The following NEK11 variants were observed in gnomAD, a reference collection of about 807,000 sequenced individuals.
NEK11 encodes the protein NIMA related kinase 11.
NEK11 carries 72 observed loss-of-function variants against 80.7 expected under a neutral mutation model. The ratio of observed to expected loss-of-function variants is 0.89; its 90% CI spans 0.74 to 1.08. NEK11 has a LOEUF of 1.08. Ranked by LOEUF, NEK11 falls within the 50% of genes least tolerant of loss-of-function variation. NEK11 has a pLI of 0.00. For missense variants in NEK11, 764 were observed against 763.6 expected, an observed-to-expected ratio of 1.00 and a Z score of -0.01; for synonymous variants, 251 against 260.7, an observed-to-expected ratio of 0.96 and a Z score of 0.36.
intron 14 of NEK11, among the ~76,000 whole-genome samples, chr3:131,175,673 A>G (rs1482753924): frequency 1.3e-5 from 2 of 152,138 alleles, no homozygotes; most frequent in Non-Finnish European, 2.9e-5. Context: ...TGCTATCTTG[A>G]TTGTGGTGAT....
chr3:131,130,299 A>G (rs1455761436), intron 5 of NEK11, among the ~76,000 whole-genome samples: 3 of 152,186 alleles, frequency 2.0e-5, no homozygotes, highest in African/African-American at 7.2e-5. Context: ...GCAACATTGC[A>G]GAATTAATTA....
At chr3:131,342,809 G>T (rs2097306251) in intron 17 of NEK11, among the ~76,000 whole-genome samples, 1 of 152,018 alleles carries the variant, frequency 6.6e-6, no homozygotes, top group Admixed American at 6.6e-5. Flanking sequence ...CGAAGACATA[G>T]AAAATTTAAG....
At chr3:131,342,734 T>G (rs746678656) in intron 17 of NEK11, among the ~76,000 whole-genome samples, 4 of 145,876 alleles carry the variant, frequency 2.7e-5, no homozygotes, top group Non-Finnish European at 5.9e-5. Flanking sequence ...TGATAAGAGG[T>G]GTGTGTGTGT....
At position 131,186,409 on chromosome 3, in the gene NEK11, T is replaced by C. The variant is rs112339379; in HGVS notation, c.1399+15522T>C. Among the ~76,000 whole-genome samples, 415 of 152,238 alleles carry C rather than the reference T, an allele frequency of 2.7e-3. 1 individual carries two copies. Among genetic ancestry groups the C allele is most frequent in the African/African-American group, 9.4e-3 (390 of 41,560 alleles). On this transcript the variant is annotated intron_variant, in intron 14 of 17. Transcript: ENST00000383366. ...TCAGGTCTGTAGACAGCCCCCAGAA[T>C]TAGAGCCAAGGCCCTACAAATGTGT...
chr3:131,331,976 TGGAGCC>T (rs1322098959), intron 17 of NEK11, among the ~76,000 whole-genome samples: 6 of 152,156 alleles, frequency 3.9e-5, no homozygotes, highest in Non-Finnish European at 7.3e-5. Flanking sequence ...TTGAGCTGGG[TGGAGCC>T]CACCACAGCT....
intron 3 of NEK11, among the ~76,000 whole-genome samples, chr3:131,040,300 A>G (rs1417706463): frequency 2.8e-5 from 3 of 107,512 alleles, no homozygotes; most frequent in East Asian, 2.7e-4. Context: ...TAGTTATATG[A>G]AAAAAAAAAC....
intron 15 of NEK11, among the ~76,000 whole-genome samples, chr3:131,237,079 C>T (rs1039521050): frequency 2.0e-5 from 3 of 152,150 alleles, no homozygotes; most frequent in African/African-American, 4.8e-5. Flanking sequence ...TTGGCTCATT[C>T]CTGTAATCCT....
intron 7 of NEK11, among the ~76,000 whole-genome samples, chr3:131,136,852 C>T (rs2085685662): frequency 6.6e-6 from 1 of 152,114 alleles, no homozygotes; most frequent in African/African-American, 2.4e-5. Context: ...CCTAGGCCAG[C>T]TCATTAAATT....
intron 17 of NEK11, among the ~76,000 whole-genome samples, chr3:131,334,004 C>T (rs937704520): frequency 1.3e-5 from 2 of 152,068 alleles, no homozygotes; most frequent in African/African-American, 4.8e-5. Context: ...CTTAGACTCC[C>T]ACACAATAAT....
chr3:131,242,854 T>C (rs1054381631), intron 15 of NEK11, among the ~76,000 whole-genome samples: 5 of 152,142 alleles, frequency 3.3e-5, no homozygotes, highest in African/African-American at 1.2e-4. Flanking sequence ...GAAGACAATA[T>C]TTTTAATCAA....
chr3:131,118,553 A>G (rs1217149113), intron 5 of NEK11, among the ~76,000 whole-genome samples: 4 of 152,154 alleles, frequency 2.6e-5, no homozygotes, highest in African/African-American at 7.2e-5. Flanking sequence ...AATGATACCA[A>G]TTCATGTTTG....
At chr3:131,281,250 T>C (rs1379445837) in intron 17 of NEK11, among the ~76,000 whole-genome samples, 1 of 152,262 alleles carries the variant, frequency 6.6e-6, no homozygotes, top group Non-Finnish European at 1.5e-5. Flanking sequence ...CTTCTATCCT[T>C]GATCCCTTGC....
chr3:131,120,914 T>C (rs1368176465), intron 5 of NEK11, among the ~76,000 whole-genome samples: 1 of 152,228 alleles, frequency 6.6e-6, no homozygotes, highest in Non-Finnish European at 1.5e-5. Context: ...TTCTTTGAGA[T>C]GGGTTTGAAC....
At position 131,341,242 on chromosome 3, in the gene NEK11, C is replaced by A. The variant is rs572792496; in HGVS notation, c.1719-8315C>A. Among the ~76,000 whole-genome samples, 75 of 152,098 alleles carry A rather than the reference C, an allele frequency of 4.9e-4. 1 individual carries two copies. Among genetic ancestry groups the A allele is most frequent in the Non-Finnish European group, 5.0e-4 (34 of 68,020 alleles). ...AGAACACCTATAGCTTTTCTGTCAG[C>A]CTAAAATGAGTTTGTTTATGGAATG... On this transcript the variant is annotated intron_variant, in intron 17 of 17. Transcript: ENST00000383366.
At chr3:131,157,709 G>C (rs953394276) in intron 10 of NEK11, among the ~76,000 whole-genome samples, 54 of 152,244 alleles carry the variant, frequency 3.5e-4, no homozygotes, top group Admixed American at 2.0e-3. Context: ...CTGGGCTGAA[G>C]GGGGAGGAAG....
intron 4 of NEK11, among the ~76,000 whole-genome samples, chr3:131,106,222 T>A (rs1022397551): frequency 6.6e-6 from 1 of 151,924 alleles, no homozygotes. Flanking sequence ...GTCCCAACTG[T>A]CTTTAGTCTC....
chr3:131,061,019 A>G (rs1382685026), intron 3 of NEK11, among the ~76,000 whole-genome samples: 2 of 152,058 alleles, frequency 1.3e-5, no homozygotes, highest in Non-Finnish European at 1.5e-5. Context: ...TACTGTAGGG[A>G]CTCAAAAATG....
chr3:131,324,595 AT>A (rs1374988288), intron 17 of NEK11, among the ~76,000 whole-genome samples: 2 of 152,230 alleles, frequency 1.3e-5, no homozygotes, highest in African/African-American at 4.8e-5. Flanking sequence ...TGTGGCTTGA[AT>A]TGATAAAGGA....
At chr3:131,320,144 T>C (rs995727640) in intron 17 of NEK11, among the ~76,000 whole-genome samples, 5 of 152,134 alleles carry the variant, frequency 3.3e-5, no homozygotes, top group African/African-American at 1.2e-4. Context: ...ATTTCTGCAG[T>C]ACCTTCCCCA....
Sources: allele counts gnomAD v4.1 joint callset (sites outside exome capture counted in the v4.1 genomes callset), GRCh38; gene constraint gnomAD v4.1.1; transcripts MANE v1.5; gene names NCBI Gene and HGNC (gene_info 2026-07-23, HGNC 2026-07-21).